Variants in OSGIN1 observed in about 807,000 individuals in gnomAD.
OSGIN1 encodes the protein oxidative stress-induced growth inhibitor 1.
In OSGIN1, 19 loss-of-function variants were observed where a neutral mutation model predicts 20.1. The ratio of observed to expected loss-of-function variants is 0.95; its 90% confidence interval spans 0.66 to 1.39. OSGIN1 has a LOEUF of 1.39. OSGIN1 is among the 40% of genes most tolerant of loss of function. The pLI is 0.00. For missense variants in OSGIN1, 820 were observed against 653.0 expected, an observed-to-expected ratio of 1.26 and a Z score of -2.79; for synonymous variants, 368 against 297.8, an observed-to-expected ratio of 1.24 and a Z score of -2.43.
chr16:83,957,004 C>T (rs1231692645), intron 1 of OSGIN1: 3 of 152,396 alleles, frequency 2.0e-5, no homozygotes, highest in African/African-American at 7.2e-5. Flanking sequence ...TCCATTTCCC[C>T]AAGTCCATCC....
chr16:83,960,842 C>T, intron 4 of OSGIN1, 82 bp downstream of exon 4: 1 of 1,514,604 alleles, frequency 6.6e-7, no homozygotes, highest in Non-Finnish European at 9.0e-7. Context: ...CTGGCATCTC[C>T]CTTTCCTCAT....
At chr16:83,959,512 G>C in intron 3 of OSGIN1, 116 bp downstream of exon 3, 2 of 1,020,436 alleles carry the variant, frequency 2.0e-6, no homozygotes, top group South Asian at 1.8e-5. Context: ...ACTAAACAAA[G>C]AATTCGAGAG....
At chr16:83,953,917 G>A (rs1325785467) in intron 1 of OSGIN1, among the ~76,000 whole-genome samples, 2 of 152,248 alleles carry the variant, frequency 1.3e-5, no homozygotes, top group African/African-American at 2.4e-5. Context: ...CTGGGCTCCA[G>A]GTGTGCGGCA....
intron 2 of OSGIN1, among the ~76,000 whole-genome samples, chr16:83,958,201 C>G (rs1909036041): frequency 6.6e-6 from 1 of 152,224 alleles, no homozygotes; most frequent in South Asian, 2.1e-4. Flanking sequence ...TTACAGTGGT[C>G]TTTAAATTAA....
At position 83,965,774 on chromosome 16, in the gene OSGIN1, G is replaced by A. The variant is rs751178429; in HGVS notation, c.1201G>A (p.Asp401Asn). The A allele has an allele frequency of 2.9e-5, 46 of 1,612,914 alleles. No individual in the cohort carries two copies. Among genetic ancestry groups the A allele is most frequent in the Non-Finnish European group, 3.4e-5 (40 of 1,179,910 alleles). Residue 401 changes from aspartate (D) to asparagine (N), a missense_variant, in exon 6 of 6, where the codon GAC (aspartate) becomes AAC (asparagine). Asp to Asn is a conservative substitution (Grantham distance 23). Coordinates refer to ENST00000393306, the MANE Select transcript of OSGIN1 (RefSeq NM_182981.3). ...GCTGGTCCTCATCGGCTCCCACCCC[G>A]ACCTCTCCTTCCTGCCTGGGGCAGG... ...LVLVLIGSHPDLSFLPGAGAD... is the reference protein window; with the variant it reads ...LVLVLIGSHPNLSFLPGAGAD...
Position 83,960,982 on chromosome 16 carries a change from C to G in OSGIN1, c.398C>G (p.Ser133Cys), listed in dbSNP as rs978342887. ...ACCAAAGGGTTCCTTTCCCTGCAGTCCATCGAAGGCTCCATGGTGATCCTG... is the reference window on the plus strand; with the variant it reads ...ACCAAAGGGTTCCTTTCCCTGCAGTGCATCGAAGGCTCCATGGTGATCCTG... ...GRNLPGGAWH[S>C]IEGSMVILSQ... The change falls in exon 5 of 6, where the codon TCC becomes TGC. Residue 133 changes from serine (S) to cysteine (C), a missense_variant and splice_region_variant. Transcript: ENST00000393306. The G allele has an allele frequency of 4.3e-6, 7 of 1,613,112 alleles. No homozygotes were observed. The highest frequency in any genetic ancestry group is 5.9e-6 in the Non-Finnish European group (7 of 1,179,656).
chr16:83,954,967 C>A (rs1908856987), intron 1 of OSGIN1, among the ~76,000 whole-genome samples: 1 of 152,208 alleles, frequency 6.6e-6, no homozygotes, highest in Admixed American at 6.5e-5. Flanking sequence ...GCTGGGGTGC[C>A]TGGGGGTGTC....
At position 83,959,407 on chromosome 16, in the gene OSGIN1, C is replaced by G. The variant is rs764225779; in HGVS notation, c.204+11C>G. On this transcript the variant is annotated intron_variant, in intron 3 of 5. Coordinates refer to ENST00000393306, the MANE Select transcript of OSGIN1 (RefSeq NM_182981.3). ...TCCATCCTGGACCAGGTGGGTCAGC[C>G]TGGGGCCAGAGCTCTGGGTAGTACA... 6.2e-7 allele frequency: 1 copy of G among 1,613,268 alleles called. No homozygotes were observed. The highest frequency in any genetic ancestry group is 8.5e-7 in the Non-Finnish European group (1 of 1,179,698).
In OSGIN1 at chr16:83,965,182, G is replaced by T. The variant is rs1293674862; in HGVS notation, c.609G>T (p.Trp203Cys). 2.5e-6 allele frequency: 4 copies of T among 1,613,178 alleles called. No individual in the cohort carries two copies. The highest frequency in any genetic ancestry group is 3.4e-6 in the Non-Finnish European group (4 of 1,180,000). ...VSGAVVTAVE[W>C]GTPDPSSCGA... ...GTGCTGTAGTCACAGCCGTGGAGTG[G>T]GGGACCCCCGATCCCAGCAGCTGTG... Residue 203 changes from tryptophan (W) to cysteine (C), a missense_variant, in exon 6 of 6, where the codon TGG becomes TGT. Trp to Cys is a radical substitution (Grantham distance 215, BLOSUM62 -2). Coordinates refer to ENST00000393306, the MANE Select transcript of OSGIN1 (RefSeq NM_182981.3).
At chr16:83,961,186 G>A (rs1321063448) in intron 5 of OSGIN1, 114 bp downstream of exon 5, 10 of 808,824 alleles carry the variant, frequency 1.2e-5, no homozygotes, top group African/African-American at 3.4e-5. Context: ...GGTTGAGGAC[G>A]CGCCCGTGAC....
At chr16:83,960,792 G>C in intron 4 of OSGIN1, 32 bp downstream of exon 4, 2 of 1,604,826 alleles carry the variant, frequency 1.2e-6, no homozygotes, top group Non-Finnish European at 1.7e-6. Context: ...TGGCTTGTGG[G>C]GGGCTCTCTC....
intron 5 of OSGIN1, 99 bp downstream of exon 5, chr16:83,961,171 T>A: frequency 3.0e-6 from 3 of 1,012,372 alleles, no homozygotes; most frequent in Non-Finnish European, 4.6e-6. Context: ...AGTTTATTTT[T>A]CCAAGGTTGA....
intron 1 of OSGIN1, among the ~76,000 whole-genome samples, chr16:83,955,808 C>T (rs1449826365): frequency 6.6e-6 from 1 of 152,134 alleles, no homozygotes; most frequent in Admixed American, 6.5e-5. Flanking sequence ...CATGTGGTCC[C>T]TGGTGACTGC....
chr16:83,953,579 T>G (rs901895793), intron 1 of OSGIN1, among the ~76,000 whole-genome samples: 2 of 152,214 alleles, frequency 1.3e-5, no homozygotes, highest in African/African-American at 4.8e-5. Flanking sequence ...GCTGTGTCCC[T>G]GTCCAGGTGC....
At chr16:83,961,641 G>A (rs578075756) in intron 5 of OSGIN1, among the ~76,000 whole-genome samples, 1 of 152,278 alleles carries the variant, frequency 6.6e-6, no homozygotes, top group South Asian at 2.1e-4. Context: ...TTCCAGAGGG[G>A]GAAACTGAGG....
At position 83,965,887 on chromosome 16, in the gene OSGIN1, C is replaced by T. The variant is rs1242465167; in HGVS notation, c.1314C>T (p.Arg438=). ...ACCCCTTCACCTACCAGAGCACCCG[C>T]CAGGAGGGCCTGTACGCCATGGGGC... The part of the protein sequence containing the change: ...DVDPFTYQST[R]QEGLYAMGPL... The change falls in exon 6 of 6, where the codon CGC becomes CGT. Residue 438 remains arginine, a synonymous_variant. Coordinates refer to ENST00000393306, the MANE Select transcript of OSGIN1 (RefSeq NM_182981.3). 1 of 1,612,920 alleles carries T rather than the reference C, an allele frequency of 6.2e-7. No individual in the cohort carries two copies. The highest frequency in any genetic ancestry group is 1.1e-5 in the South Asian group (1 of 91,088).
intron 2 of OSGIN1, among the ~76,000 whole-genome samples, chr16:83,958,782 C>T (rs1404000971): frequency 3.9e-5 from 6 of 152,216 alleles, no homozygotes; most frequent in Non-Finnish European, 8.8e-5. Context: ...CACTCAAGTT[C>T]GCCCCCAGGC....
At chr16:83,958,436 A>C (rs1909045734) in intron 2 of OSGIN1, among the ~76,000 whole-genome samples, 2 of 152,324 alleles carry the variant, frequency 1.3e-5, no homozygotes, top group South Asian at 4.1e-4. Context: ...GTAGCGGCTT[A>C]TGATTCCTGT....
intron 2 of OSGIN1, 83 bp from the exon 3 acceptor site, chr16:83,959,177 G>T: frequency 2.2e-6 from 2 of 889,832 alleles, no homozygotes; most frequent in Non-Finnish European, 3.6e-6. Context: ...GAATGAATGC[G>T]CCGCATCTAG....
Sources: allele counts gnomAD v4.1 joint callset (sites outside exome capture counted in the v4.1 genomes callset), GRCh38; gene constraint gnomAD v4.1.1; transcripts MANE v1.5; gene names NCBI Gene and HGNC (gene_info 2026-07-23, HGNC 2026-07-21).